The following SLC25A48 variants were observed in gnomAD, a reference collection of about 807,000 sequenced individuals.
SLC25A48 encodes CTC-321K16.1.
A neutral mutation model predicts 32.2 loss-of-function variants in SLC25A48; 29 were observed. That is an observed-to-expected ratio of 0.90 (90% CI 0.67 to 1.23). The LOEUF is 1.23. Among genes scored for constraint, SLC25A48 ranks in the 50% most tolerant of loss-of-function variants. The pLI is 0.00. For synonymous variants in SLC25A48, 164 were observed against 172.3 expected (o/e 0.95, Z 0.38); for missense variants, 399 against 422.7 (o/e 0.94, Z 0.49).
intron 3 of SLC25A48, among the ~76,000 whole-genome samples, chr5:135,755,744 G>A (rs1755884539): frequency 6.6e-6 from 1 of 151,260 alleles, no homozygotes; most frequent in South Asian, 2.1e-4. Flanking sequence ...AAATATCGCT[G>A]TGATATATAT....
chr5:135,793,271 C>A (rs939282552), intron 3 of SLC25A48, among the ~76,000 whole-genome samples: 9 of 149,920 alleles, frequency 6.0e-5, no homozygotes, highest in Admixed American at 2.0e-4. Flanking sequence ...AGTGGGTATA[C>A]AATATTTGTG....
intron 3 of SLC25A48, among the ~76,000 whole-genome samples, chr5:135,772,769 AGAG>A (rs1756447475): frequency 6.6e-6 from 1 of 151,532 alleles, no homozygotes; most frequent in South Asian, 2.1e-4. Flanking sequence ...AATATCCAAG[AGAG>A]GAGAAGATAA....
intron 3 of SLC25A48, among the ~76,000 whole-genome samples, chr5:135,657,042 G>A: frequency 6.6e-6 from 1 of 152,148 alleles, no homozygotes. Flanking sequence ...CACCCTCTGG[G>A]AGCACCCAGC....
chr5:135,791,382 C>G (rs1757027723), intron 3 of SLC25A48, among the ~76,000 whole-genome samples: 1 of 151,802 alleles, frequency 6.6e-6, no homozygotes, highest in Non-Finnish European at 1.5e-5. Context: ...CCTAATGTCA[C>G]AGCGGGTGTA....
At chr5:135,851,040 G>A (rs562346151) in intron 3 of SLC25A48, among the ~76,000 whole-genome samples, 2 of 152,280 alleles carry the variant, frequency 1.3e-5, no homozygotes, top group African/African-American at 4.8e-5. Context: ...ACTTTCTGAG[G>A]CCCCTCTTTG....
At chr5:135,857,575 C>G (rs1461593163) in intron 4 of SLC25A48, among the ~76,000 whole-genome samples, 1 of 152,254 alleles carries the variant, frequency 6.6e-6, no homozygotes, top group South Asian at 2.1e-4. Flanking sequence ...AGGCACAGGG[C>G]TATGTGCTGA....
At chr5:135,667,083 T>C (rs1753541905) in intron 3 of SLC25A48, among the ~76,000 whole-genome samples, 1 of 152,200 alleles carries the variant, frequency 6.6e-6, no homozygotes, top group Non-Finnish European at 1.5e-5. Context: ...CTCAGCTTTA[T>C]TCACTTTGCC....
At chr5:135,810,279 G>T (rs908695130) in intron 3 of SLC25A48, among the ~76,000 whole-genome samples, 4 of 152,224 alleles carry the variant, frequency 2.6e-5, no homozygotes, top group Admixed American at 2.6e-4. Context: ...TAGGTCTGGG[G>T]ACATAATTTA....
At chr5:135,834,294 G>T (rs1398682671), upstream of SLC25A48, among the ~76,000 whole-genome samples, 2 of 152,214 alleles carry the variant, frequency 1.3e-5, no homozygotes, top group Admixed American at 1.3e-4. Context: ...TGAACCACCA[G>T]GTGCCTGCTC....
chr5:135,886,671 TGTGAGAGA>T (rs1356205594), intron 7 of SLC25A48, among the ~76,000 whole-genome samples: 7,665 of 98,638 alleles, frequency 0.078, 755 homozygotes, highest in African/African-American at 0.18. Flanking sequence ...TGTGTGTGTG[TGTGAGAGA>T]GAGAGAGAGA....
At chr5:135,883,202 C>A (rs79387372) in intron 7 of SLC25A48, 2 of 985,364 alleles carry the variant, frequency 2.0e-6, no homozygotes, top group South Asian at 4.7e-5. Context: ...TTCACAATTA[C>A]AAGCATTCTC....
At chr5:135,788,932 G>T (rs1756934263) in intron 3 of SLC25A48, among the ~76,000 whole-genome samples, 1 of 151,058 alleles carries the variant, frequency 6.6e-6, no homozygotes, top group Non-Finnish European at 1.5e-5. Flanking sequence ...TATCCGGGGG[G>T]AAGAGGGTGG....
intron 3 of SLC25A48, among the ~76,000 whole-genome samples, chr5:135,764,137 C>T (rs1422269920): frequency 1.3e-5 from 2 of 151,844 alleles, no homozygotes; most frequent in Non-Finnish European, 2.9e-5. Context: ...TTTGTAATAT[C>T]CAGGGAGGTA....
intron 3 of SLC25A48, among the ~76,000 whole-genome samples, chr5:135,762,102 T>G (rs1460240691): frequency 1.3e-5 from 2 of 152,234 alleles, no homozygotes; most frequent in African/African-American, 2.4e-5. Flanking sequence ...TCTGTAGAAA[T>G]GTACTGTTCT....
intron 2 of SLC25A48, among the ~76,000 whole-genome samples, chr5:135,849,482 C>T (rs1210711475): frequency 3.3e-5 from 5 of 152,192 alleles, no homozygotes; most frequent in East Asian, 1.9e-4. Flanking sequence ...TCAGCTCCTG[C>T]CCCTGGTCAC....
intron 1 of SLC25A48, among the ~76,000 whole-genome samples, chr5:135,619,077 A>C (rs374021087): frequency 3.3e-5 from 5 of 152,184 alleles, no homozygotes; most frequent in African/African-American, 4.8e-5. Context: ...GCTTTATTTA[A>C]CAAATTTTAT....
intron 3 of SLC25A48, chr5:135,650,137 G>T: frequency 5.1e-6 from 1 of 195,814 alleles, no homozygotes; most frequent in Non-Finnish European, 1.1e-5. Flanking sequence ...TGCTTGGAGA[G>T]AAAGCTGTCA....
Position 135,834,886 on chromosome 5 carries a change from G to A in SLC25A48, c.39G>A (p.Trp13Ter). Reference sequence around the variant, plus strand: ...AGCTGGAAGACTTTGCGGCGGGCTGGATCGGAGGTGAGTGTGCTTACCGGG... The same window carrying A: ...AGCTGGAAGACTTTGCGGCGGGCTGAATCGGAGGTGAGTGTGCTTACCGGG... Reference protein sequence around the residue: ...SFQLEDFAAGWIGGAASVIVG... With the variant: ...SFQLEDFAAG Residue 13 changes from tryptophan to a stop codon, truncating the protein, a stop_gained, in exon 1 of 8, where the codon TGG (tryptophan) becomes TGA (stop). Transcript: ENST00000681962. LOFTEE classifies it high-confidence loss of function. 6.2e-7 allele frequency: 1 copy of A among 1,603,184 alleles called. No individual in the cohort carries two copies.
intron 3 of SLC25A48, among the ~76,000 whole-genome samples, chr5:135,792,115 C>A (rs1249872168): frequency 1.3e-5 from 2 of 151,648 alleles, no homozygotes; most frequent in Admixed American, 1.3e-4. Flanking sequence ...TGTGTACACA[C>A]CCTGTAATAT....
Sources: gnomAD v4.1 joint callset for allele counts (sites outside exome capture counted in the v4.1 genomes callset) on GRCh38, gnomAD v4.1.1 for gene constraint, MANE v1.5 for transcripts, NCBI Gene and HGNC (gene_info 2026-07-23, HGNC 2026-07-21) for gene names.